The following NRXN1 variants were observed in gnomAD, a reference collection of about 807,000 sequenced individuals.
The protein encoded by NRXN1 is neurexin-1.
Under a neutral mutation model 150.9 loss-of-function variants are expected in NRXN1, and 39 were observed. The observed-to-expected ratio is 0.26, with a 90% CI of 0.20 to 0.34. The LOEUF (loss-of-function observed/expected upper bound fraction) is 0.34. NRXN1 is among the 10% of genes least tolerant of loss of function. The probability of loss-of-function intolerance (pLI) is 1.00; values close to 1 mark genes in which losing one functional copy is unlikely to be tolerated. For missense variants in NRXN1, 1,815 were observed against 1,949.9 expected, an observed-to-expected ratio of 0.93 and a Z score of 1.30; for synonymous variants, 924 against 757.0, an observed-to-expected ratio of 1.22 and a Z score of -3.62.
chr2:50,421,295 C>T (rs1408625434), intron 17 of NRXN1, among the ~76,000 whole-genome samples: 1 of 149,956 alleles, frequency 6.7e-6, no homozygotes, highest in East Asian at 1.9e-4. Context: ...TTGTATGCAT[C>T]GGTAAGGATA....
chr2:50,004,995 T>C (rs1369294), intron 21 of NRXN1, among the ~76,000 whole-genome samples: 71,731 of 152,028 alleles, frequency 0.47, 17,507 homozygotes, highest in Middle Eastern at 0.62. Flanking sequence ...GCCCAACAGT[T>C]TAGAAAACAG....
chr2:50,391,305 T>C (rs999026027), intron 17 of NRXN1, among the ~76,000 whole-genome samples: 2 of 151,862 alleles, frequency 1.3e-5, no homozygotes, highest in Non-Finnish European at 2.9e-5. Context: ...GAGTTGACTG[T>C]GCATTAATAT....
In NRXN1 at chr2:50,166,279, ATGTGTGTGTGTGTGTG is replaced by A. The variant is rs70946894; in HGVS notation, c.3546+70494_3546+70509del. 3.5e-3 allele frequency among the ~76,000 whole-genome samples: 455 copies of A among 131,612 alleles called. 3 individuals carry two copies. The highest frequency in any genetic ancestry group is 0.012 in the African/African-American group (428 of 35,086). 86.3% of individuals were successfully genotyped at this position (131,612 alleles called of 152,430 possible). On this transcript the variant is annotated intron_variant, in intron 18 of 22. Transcript: ENST00000401669. ...CATTTTGGATAGGAGTACTCAACGT[ATGTGTGTGTGTGTGTG>A]TGTGTGTGTGTGTGTGTGTGTGTGT...
At chr2:50,076,612 T>C (rs1251605259) in intron 19 of NRXN1, among the ~76,000 whole-genome samples, 2 of 152,218 alleles carry the variant, frequency 1.3e-5, no homozygotes, top group African/African-American at 4.8e-5. Flanking sequence ...GAATGTTCCC[T>C]CTGAACCTTC....
In NRXN1 at chr2:50,742,278, C is replaced by A. The variant is rs181263747; in HGVS notation, c.833-118663G>T. On this transcript the variant is annotated intron_variant, in intron 5 of 22. Transcript: ENST00000401669. The stretch of plus-strand genomic sequence containing the variant: ...CAATATTTACATATATATATATATA[C>A]TCTTTTTTCTTTTCTGCCCTTAAAT... Among the ~76,000 whole-genome samples the A allele has an allele frequency of 6.0e-3, 890 of 147,728 alleles. 32 individuals carry two copies. The highest frequency in any genetic ancestry group is 0.056 in the Admixed American group (829 of 14,704).
At chr2:50,020,167 T>C (rs908309844) in intron 21 of NRXN1, among the ~76,000 whole-genome samples, 2 of 152,082 alleles carry the variant, frequency 1.3e-5, no homozygotes, top group African/African-American at 4.8e-5. Context: ...AAATTACTTA[T>C]GATTTTGATT....
intron 17 of NRXN1, among the ~76,000 whole-genome samples, chr2:50,245,271 G>GT (rs1021316408): frequency 6.6e-6 from 1 of 151,872 alleles, no homozygotes; most frequent in Non-Finnish European, 1.5e-5. Context: ...AGAAAAACAG[G>GT]TAAGTAGTAG....
At chr2:50,879,269 C>T (rs1029243226) in intron 5 of NRXN1, among the ~76,000 whole-genome samples, 1 of 151,892 alleles carries the variant, frequency 6.6e-6, no homozygotes, top group African/African-American at 2.4e-5. Context: ...CTCCAGCCTG[C>T]CATTTGCCCA....
At chr2:50,261,187 G>A (rs1356490478) in intron 17 of NRXN1, among the ~76,000 whole-genome samples, 1 of 151,702 alleles carries the variant, frequency 6.6e-6, no homozygotes, top group Non-Finnish European at 1.5e-5. Flanking sequence ...CTGAAGCCCC[G>A]AGGAATATAG....
intron 17 of NRXN1, among the ~76,000 whole-genome samples, chr2:50,364,285 A>G (rs1424278278): frequency 6.6e-6 from 1 of 152,158 alleles, no homozygotes; most frequent in Non-Finnish European, 1.5e-5. Context: ...TTAAAACTAC[A>G]TAGTTTAATG....
intron 17 of NRXN1, among the ~76,000 whole-genome samples, chr2:50,266,905 A>G (rs1327006006): frequency 6.6e-6 from 1 of 152,232 alleles, no homozygotes; most frequent in African/African-American, 2.4e-5. Flanking sequence ...AACATTAGTT[A>G]TTCTTCTTTA....
At chr2:50,942,837 G>C (rs1053403225) in intron 2 of NRXN1, among the ~76,000 whole-genome samples, 1 of 152,148 alleles carries the variant, frequency 6.6e-6, no homozygotes, top group African/African-American at 2.4e-5. Context: ...AGGTCTTGGG[G>C]GACTGTTGGG....
chr2:50,365,866 C>T (rs1028970339), intron 17 of NRXN1, among the ~76,000 whole-genome samples: 2 of 151,986 alleles, frequency 1.3e-5, no homozygotes, highest in African/African-American at 4.8e-5. Context: ...TCTGGTGGAA[C>T]AATCTATTGA....
At chr2:50,618,233 C>G (rs1429707015) in intron 8 of NRXN1, among the ~76,000 whole-genome samples, 1 of 152,074 alleles carries the variant, frequency 6.6e-6, no homozygotes, top group Non-Finnish European at 1.5e-5. Flanking sequence ...TTTCAGAAAT[C>G]TTCTAAAAAT....
intron 17 of NRXN1, among the ~76,000 whole-genome samples, chr2:50,451,995 A>G (rs924899637): frequency 6.6e-6 from 1 of 152,256 alleles, no homozygotes; most frequent in Non-Finnish European, 1.5e-5. Context: ...TTACACCAGC[A>G]TTTAGCTAAG....
chr2:50,660,032 G>A (rs1687064767), intron 5 of NRXN1, among the ~76,000 whole-genome samples: 1 of 151,982 alleles, frequency 6.6e-6, no homozygotes, highest in Non-Finnish European at 1.5e-5. Context: ...ATCTAGAACA[G>A]TGCTTGGTGT....
At chr2:50,212,299 CA>C (rs10668763) in intron 18 of NRXN1, among the ~76,000 whole-genome samples, 6,125 of 108,270 alleles carry the variant, frequency 0.057, 134 homozygotes, top group African/African-American at 0.099. Flanking sequence ...TTTGAATTTG[CA>C]AAAAAAAAAA....
intron 18 of NRXN1, among the ~76,000 whole-genome samples, chr2:50,165,970 C>T (rs1405479620): frequency 1.3e-5 from 2 of 152,070 alleles, no homozygotes; most frequent in African/African-American, 2.4e-5. Context: ...TGCAATGACC[C>T]TTATCTTTGT....
intron 2 of NRXN1, among the ~76,000 whole-genome samples, chr2:50,984,036 C>T (rs190466111): frequency 1.3e-3 from 196 of 151,470 alleles, no homozygotes; most frequent in African/African-American, 4.3e-3. Flanking sequence ...AGCATGATCT[C>T]GACTCACTGC....
Sources: allele counts gnomAD v4.1 joint callset (sites outside exome capture counted in the v4.1 genomes callset), GRCh38; gene constraint gnomAD v4.1.1; transcripts MANE v1.5; gene names NCBI Gene and HGNC (gene_info 2026-07-23, HGNC 2026-07-21).